DMD: variants seen among roughly 807,000 people sequenced by gnomAD.
DMD encodes mutant dystrophin.
DMD carries 63 observed loss-of-function variants against 330.1 expected under a neutral mutation model. The ratio of observed to expected loss-of-function variants is 0.19; its 90% CI spans 0.16 to 0.24. DMD has a LOEUF of 0.24. Ranked by LOEUF, DMD falls within the 10% of genes least tolerant of loss-of-function variation. The pLI, the probability that DMD is intolerant of heterozygous loss-of-function variation, is 1.00. For missense variants in DMD, 3,344 were observed against 2,684.1 expected (o/e 1.25, Z -5.43); for synonymous variants, 1,223 against 959.8 (o/e 1.27, Z -5.07).
intron 42 of DMD, among the ~76,000 whole-genome samples, chrX:32,302,721 T>C (rs184258761): frequency 0.018 from 2,001 of 111,378 alleles, 57 homozygotes; most frequent in African/African-American, 0.062. Flanking sequence ...TGAAGCAATA[T>C]GCATTTTACA....
At chrX:33,221,378 G>A (rs972577969) in intron 1 of DMD, among the ~76,000 whole-genome samples, 1 of 111,329 alleles carries the variant, frequency 9.0e-6, no homozygotes, top group Admixed American at 9.6e-5. Flanking sequence ...AGATAACACC[G>A]TATGCACTGC....
At chrX:32,547,900 G>T (rs2049136031) in intron 16 of DMD, among the ~76,000 whole-genome samples, 1 of 111,523 alleles carries the variant, frequency 9.0e-6, no homozygotes, top group African/African-American at 3.3e-5. Context: ...AACTTGTTTT[G>T]AGTTCTGAAT....
chrX:31,247,981 G>A (rs1339968037), intron 63 of DMD, among the ~76,000 whole-genome samples: 1 of 111,679 alleles, frequency 9.0e-6, no homozygotes, highest in Non-Finnish European at 1.9e-5. Context: ...CTTCATTGTT[G>A]TCTTATTTTA....
chrX:32,949,342 GTAGATAGA>G (rs1193558967), intron 2 of DMD, among the ~76,000 whole-genome samples: 10,397 of 91,343 alleles, frequency 0.11, 736 homozygotes, highest in African/African-American at 0.23. Flanking sequence ...AGGTAGGTAG[GTAGATAGA>G]TAGATAGATA....
At chrX:32,601,540 G>A (rs2056208726) in intron 12 of DMD, among the ~76,000 whole-genome samples, 1 of 111,623 alleles carries the variant, frequency 9.0e-6, no homozygotes, top group Non-Finnish European at 1.9e-5. Context: ...AAAAGAAACT[G>A]TTTTAAAAAT....
At chrX:32,104,880 C>T (rs1309064336) in intron 44 of DMD, among the ~76,000 whole-genome samples, 1 of 111,511 alleles carries the variant, frequency 9.0e-6, no homozygotes, top group African/African-American at 3.3e-5. Context: ...TAGGAAACTT[C>T]TAGAAATTGT....
At chrX:32,972,175 A>T (rs760380449) in intron 2 of DMD, among the ~76,000 whole-genome samples, 26 of 110,875 alleles carry the variant, frequency 2.3e-4, no homozygotes, top group African/African-American at 8.2e-4. Context: ...TGACTCGCTT[A>T]TAATTTTTTT....
intron 2 of DMD, among the ~76,000 whole-genome samples, chrX:32,944,014 A>T (rs1240780241): frequency 9.1e-6 from 1 of 109,542 alleles, no homozygotes; most frequent in African/African-American, 3.3e-5. Flanking sequence ...CTCCACTCCA[A>T]CCCCCTCACC....
intron 7 of DMD, among the ~76,000 whole-genome samples, chrX:32,775,340 G>A (rs2148490067): frequency 8.9e-6 from 1 of 112,566 alleles, no homozygotes; most frequent in Admixed American, 9.3e-5. Context: ...AGGACTCTGT[G>A]GTGGGGGGAA....
chrX:31,714,540 T>C (rs1225512510), intron 52 of DMD, among the ~76,000 whole-genome samples: 1 of 111,850 alleles, frequency 8.9e-6, no homozygotes, highest in Non-Finnish European at 1.9e-5. Context: ...CAACTTTATA[T>C]TCAATACTTT....
chrX:32,066,214 C>A (rs2096259328), intron 44 of DMD, among the ~76,000 whole-genome samples: 1 of 111,384 alleles, frequency 9.0e-6, no homozygotes, highest in South Asian at 3.7e-4. Context: ...TCGATCTTTT[C>A]CAACTCAGCA....
chrX:32,252,687 T>A (rs917878997), intron 43 of DMD, among the ~76,000 whole-genome samples: 441 of 35,398 alleles, frequency 0.012, 43 homozygotes, highest in African/African-American at 0.052. Flanking sequence ...AATATATAAA[T>A]ATATATATAA....
chrX:32,502,960 G>A (rs757412327), intron 18 of DMD, among the ~76,000 whole-genome samples: 1 of 110,816 alleles, frequency 9.0e-6, no homozygotes, highest in East Asian at 2.8e-4. Context: ...GCACTTGAAA[G>A]GTGGTCAGCA....
chrX:32,330,703 T>C (rs2097674889), intron 41 of DMD, among the ~76,000 whole-genome samples: 1 of 111,617 alleles, frequency 9.0e-6, no homozygotes, highest in Non-Finnish European at 1.9e-5. Context: ...ATGATTGCTA[T>C]GGATTTGCCA....
At chrX:32,142,452 A>G (rs771315703) in intron 44 of DMD, among the ~76,000 whole-genome samples, 1 of 112,430 alleles carries the variant, frequency 8.9e-6, no homozygotes, top group African/African-American at 3.2e-5. Context: ...TATCTACACT[A>G]TCCATCTCAC....
At chrX:32,250,327 C>T (rs1226739715) in intron 43 of DMD, among the ~76,000 whole-genome samples, 1 of 111,321 alleles carries the variant, frequency 9.0e-6, no homozygotes, top group African/African-American at 3.3e-5. Flanking sequence ...CACTTAATGT[C>T]GACTTTGGAA....
At chrX:32,803,552 G>C (rs1603429855) in intron 7 of DMD, among the ~76,000 whole-genome samples, 1 of 110,867 alleles carries the variant, frequency 9.0e-6, no homozygotes, top group East Asian at 2.8e-4. Flanking sequence ...GTGATGTTAG[G>C]ATGTCGATTA....
chrX:33,339,205 C>T, intron 1 of DMD: 2 of 1,022,199 alleles, frequency 2.0e-6, no homozygotes, highest in South Asian at 1.8e-5. Context: ...TATGCTTTGT[C>T]ATGGCCAGCT....
chrX:32,413,161 T>C (rs1182542909), intron 29 of DMD, among the ~76,000 whole-genome samples: 1 of 110,755 alleles, frequency 9.0e-6, no homozygotes, highest in Non-Finnish European at 1.9e-5. Flanking sequence ...AACTCTCAAC[T>C]CTACATCTCT....
Sources: gnomAD v4.1 joint callset for allele counts (sites outside exome capture counted in the v4.1 genomes callset) on GRCh38, gnomAD v4.1.1 for gene constraint, MANE v1.5 for transcripts, NCBI Gene and HGNC (gene_info 2026-07-23, HGNC 2026-07-21) for gene names.